GABRG3: variants seen among roughly 807,000 people sequenced by gnomAD.
The protein encoded by GABRG3 is gamma-aminobutyric acid receptor subunit gamma-3.
A neutral mutation model predicts 48.8 loss-of-function variants in GABRG3; 25 were observed. The ratio of observed to expected loss-of-function variants is 0.51; its 90% CI spans 0.37 to 0.72. The LOEUF is 0.72. Among genes scored for constraint, GABRG3 ranks in the 30% least tolerant of loss-of-function variants. The pLI, the probability that GABRG3 is intolerant of heterozygous loss-of-function variation, is 0.00. For missense variants in GABRG3, 394 were observed against 577.9 expected (o/e 0.68, Z 3.26); for synonymous variants, 227 against 217.6 (o/e 1.04, Z -0.38).
intron 3 of GABRG3, among the ~76,000 whole-genome samples, chr15:27,306,919 T>A (rs186168628): frequency 8.7e-6 from 1 of 115,084 alleles, no homozygotes; most frequent in African/African-American, 4.1e-5. Flanking sequence ...AAACATACAA[T>A]ATAAACATGT....
intron 3 of GABRG3, among the ~76,000 whole-genome samples, chr15:27,192,551 C>T (rs2140423562): frequency 6.6e-6 from 1 of 152,316 alleles, no homozygotes; most frequent in East Asian, 1.9e-4. Context: ...TCACGTAGTT[C>T]TTGAGCCTTG....
chr15:27,436,284 A>G (rs1445210024), intron 5 of GABRG3, among the ~76,000 whole-genome samples: 6 of 152,164 alleles, frequency 3.9e-5, no homozygotes, highest in Non-Finnish European at 7.3e-5. Context: ...AAGGGCACTA[A>G]TCCCACTTGT....
intron 6 of GABRG3, among the ~76,000 whole-genome samples, chr15:27,499,502 C>A (rs1303617778): frequency 6.6e-6 from 1 of 152,212 alleles, no homozygotes; most frequent in African/African-American, 2.4e-5. Flanking sequence ...TTTCAGCAGC[C>A]AACTCCCTTT....
intron 3 of GABRG3, among the ~76,000 whole-genome samples, chr15:27,049,607 T>A (rs1488576473): frequency 2.6e-5 from 4 of 152,312 alleles, no homozygotes; most frequent in South Asian, 2.1e-4. Flanking sequence ...TCCCAAGTAC[T>A]GAACATGACA....
At chr15:27,405,363 G>T (rs1274485039) in intron 5 of GABRG3, among the ~76,000 whole-genome samples, 1 of 152,096 alleles carries the variant, frequency 6.6e-6, no homozygotes, top group Non-Finnish European at 1.5e-5. Flanking sequence ...AATTATAAAT[G>T]TACACAAAAA....
At chr15:27,185,323 T>G (rs1457499613) in intron 3 of GABRG3, among the ~76,000 whole-genome samples, 1 of 152,196 alleles carries the variant, frequency 6.6e-6, no homozygotes, top group Non-Finnish European at 1.5e-5. Flanking sequence ...CATTTAATTT[T>G]CATGTGTTTG....
rs796972285 is a variant in GABRG3, at chr15:26,995,207, T to C, written c.202+18057T>C. On this transcript the variant is annotated intron_variant, in intron 2 of 9. Coordinates refer to ENST00000615808, the MANE Select transcript of GABRG3 (RefSeq NM_033223.5). ...TGTTTATCAATATGAAATATTTCTC[T>C]TTATTTTCTAGTAGCATTTTCAGTT... Among the ~76,000 whole-genome samples the C allele has an allele frequency of 1.9e-4, 29 of 152,198 alleles. 1 individual carries two copies. Among genetic ancestry groups the C allele is most frequent in the African/African-American group, 7.0e-4 (29 of 41,590 alleles).
intron 3 of GABRG3, among the ~76,000 whole-genome samples, chr15:27,046,016 C>CCGAGGGAAGCGTCACGGAAGTGTGAAGGG (rs1896356749): frequency 2.0e-5 from 3 of 152,168 alleles, no homozygotes; most frequent in Admixed American, 2.0e-4. Context: ...GCTCCGAGTT[C>CCGAGGGAAGCGTCACGGAAGTGTGAAGGG]CGAGGGAAGC....
At chr15:27,515,797 A>G (rs1490074277) in intron 6 of GABRG3, among the ~76,000 whole-genome samples, 1 of 152,240 alleles carries the variant, frequency 6.6e-6, no homozygotes, top group African/African-American at 2.4e-5. Flanking sequence ...CCTAGTCCGT[A>G]GAGGAGTTGG....
intron 3 of GABRG3, among the ~76,000 whole-genome samples, chr15:27,062,232 C>G (rs965652616): frequency 2.2e-4 from 33 of 151,920 alleles, no homozygotes; most frequent in African/African-American, 7.3e-4. Flanking sequence ...GGAGAGGGAG[C>G]TGGCTCCGCT....
rs538766223 is a variant in GABRG3 at position 27,392,208 on chromosome 15, G to T, written c.574+63320G>T. ...TATTGATATATTAACTAGCCTCCACGCTTTGTTCATATTCCATCCTTTTCA... is the reference window on the plus strand; with the variant it reads ...TATTGATATATTAACTAGCCTCCACTCTTTGTTCATATTCCATCCTTTTCA... On this transcript the variant is annotated intron_variant, in intron 5 of 9. Transcript: ENST00000615808. Among the ~76,000 whole-genome samples the T allele has an allele frequency of 2.6e-5, 4 of 151,990 alleles. No individual in the cohort carries two copies. The South Asian group carries it at 8.3e-4, about 32-fold the overall frequency.
chr15:27,325,436 C>T (rs907103244), intron 3 of GABRG3, among the ~76,000 whole-genome samples: 4 of 152,202 alleles, frequency 2.6e-5, no homozygotes, highest in African/African-American at 9.6e-5. Flanking sequence ...AACCTGCTCC[C>T]AGCTGTTGCT....
chr15:27,200,840 G>T (rs1006632370), intron 3 of GABRG3, among the ~76,000 whole-genome samples: 21 of 152,220 alleles, frequency 1.4e-4, no homozygotes, highest in African/African-American at 4.8e-4. Context: ...TCTGACAGAA[G>T]TCCTTATTTA....
At chr15:27,308,225 T>TAC (rs1555370294) in intron 3 of GABRG3, among the ~76,000 whole-genome samples, 23 of 129,976 alleles carry the variant, frequency 1.8e-4, no homozygotes, top group African/African-American at 2.2e-4. Context: ...TATATAAACA[T>TAC]GTTTATATAT....
intron 2 of GABRG3, among the ~76,000 whole-genome samples, chr15:27,010,928 C>T (rs924442436): frequency 1.3e-5 from 2 of 152,278 alleles, no homozygotes; most frequent in Middle Eastern, 3.4e-3. Flanking sequence ...TCACTACAAG[C>T]TCTGCCTCCC....
rs144361125 is a variant in GABRG3, at chr15:27,486,419, G to C, written c.712+5632G>C. Among the ~76,000 whole-genome samples the C allele has an allele frequency of 3.3e-3, 500 of 152,330 alleles. 1 individual carries two copies. Among genetic ancestry groups the C allele is most frequent in the African/African-American group, 0.011 (470 of 41,570 alleles). On this transcript the variant is annotated intron_variant, in intron 6 of 9. Coordinates refer to ENST00000615808, the MANE Select transcript of GABRG3 (RefSeq NM_033223.5). ...ATCTGATGTTTTTGAAGTTGATTCA[G>C]TCTTTACGTGTAGAAGCTTCTGTAA...
At chr15:27,203,616 A>G (rs1888759919) in intron 3 of GABRG3, among the ~76,000 whole-genome samples, 1 of 152,176 alleles carries the variant, frequency 6.6e-6, no homozygotes, top group South Asian at 2.1e-4. Context: ...AGAAATCTCC[A>G]GAAAGCTCTC....
At chr15:26,985,343 C>T (rs1246231626) in intron 2 of GABRG3, among the ~76,000 whole-genome samples, 4 of 152,160 alleles carry the variant, frequency 2.6e-5, no homozygotes, top group African/African-American at 9.7e-5. Flanking sequence ...AATCCCTGCC[C>T]GTTCCTGGAT....
chr15:27,424,201 C>T (rs1447264699), intron 5 of GABRG3, among the ~76,000 whole-genome samples: 1 of 152,078 alleles, frequency 6.6e-6, no homozygotes, highest in Non-Finnish European at 1.5e-5. Context: ...ATGATGGGGT[C>T]TTGGGTCACA....
Sources: allele counts gnomAD v4.1 joint callset (sites outside exome capture counted in the v4.1 genomes callset), GRCh38; gene constraint gnomAD v4.1.1; transcripts MANE v1.5; gene names NCBI Gene and HGNC (gene_info 2026-07-23, HGNC 2026-07-21).